The following CARD14 variants were observed in gnomAD, a reference collection of about 807,000 sequenced individuals.
CARD14 encodes the protein caspase recruitment domain family member 14.
Under a neutral mutation model 111.5 loss-of-function variants are expected in CARD14, and 107 were observed. That is an observed-to-expected ratio of 0.96 (90% confidence interval 0.82 to 1.13). CARD14 has a LOEUF of 1.13. Among genes scored for constraint, CARD14 ranks in the 50% most tolerant of loss-of-function variants. CARD14 has a pLI of 0.00. For synonymous variants in CARD14, 617 were observed against 579.6 expected (o/e 1.06, Z -0.93); for missense variants, 1,322 against 1,362.3 (o/e 0.97, Z 0.47).
At chr17:80,206,244 C>T (rs900670298) in intron 22 of CARD14, among the ~76,000 whole-genome samples, 3 of 152,156 alleles carry the variant, frequency 2.0e-5, no homozygotes, top group African/African-American at 4.8e-5. Flanking sequence ...GTGGGAGGAT[C>T]GCTTGAGCCC....
chr17:80,170,762 GCCCTCCCCTCCCCTC>G (rs1159463524), intron 1 of CARD14, among the ~76,000 whole-genome samples: 1 of 112,516 alleles, frequency 8.9e-6, no homozygotes, highest in African/African-American at 3.3e-5. Flanking sequence ...AGATCTCTGG[GCCCTCCCCTCCCCTC>G]CCGTCCCCTC....
Position 80,195,418 on chromosome 17 carries a change from G to A in CARD14, c.1499+85G>A. The A allele has an allele frequency of 6.5e-7, 1 of 1,530,276 alleles. No individual in the cohort carries two copies. Among genetic ancestry groups the A allele is most frequent in the Non-Finnish European group, 8.8e-7 (1 of 1,133,276 alleles). The allele number at this position is 1,530,276 out of a possible 1,614,324, so 94.8% of individuals were successfully genotyped here. ...ACCAGAGACACCAACCTAGACCTCAGGGCATCTGGGTATTGCAGGCAGCAG... is the reference window on the plus strand; with the variant it reads ...ACCAGAGACACCAACCTAGACCTCAAGGCATCTGGGTATTGCAGGCAGCAG... On this transcript the variant is annotated intron_variant, in intron 13 of 23. Transcript: ENST00000648509. This position sits in a 1 kb window ranked among gnomAD's most constrained non-coding sequence, Gnocchi z 4.7.
At position 80,188,649 on chromosome 17, in the gene CARD14, C is replaced by T; in HGVS notation, c.843+105C>T. The T allele has an allele frequency of 8.4e-7, 1 of 1,195,310 alleles. No homozygotes were observed. The highest frequency in any genetic ancestry group is 1.1e-6 in the Non-Finnish European group (1 of 924,336). 74.0% of individuals were successfully genotyped at this position (1,195,310 alleles called of 1,614,324 possible). On this transcript the variant is annotated intron_variant, in intron 8 of 23. Coordinates refer to ENST00000648509, the MANE Select transcript of CARD14 (RefSeq NM_001366385.1). The surrounding 1 kb of genome is among the most constrained non-coding windows in gnomAD (Gnocchi z 4.5). Reference sequence around the variant, plus strand: ...GGTTTAGTTAAGGTGAGGCTAAGAACAAGAGATGAAATTTAGTGACTCATC... The same window carrying T: ...GGTTTAGTTAAGGTGAGGCTAAGAATAAGAGATGAAATTTAGTGACTCATC...
In CARD14 at chr17:80,188,056, C is replaced by G. The variant is rs2040403736; in HGVS notation, c.676-321C>G. ...AAGCCAGGGAGCATGCTGGCCATCA[C>G]TGCCGGCTGCTCAGCTGTAGAGATC... On this transcript the variant is annotated intron_variant, in intron 7 of 23. Transcript: ENST00000648509. This position sits in a 1 kb window ranked among gnomAD's most constrained non-coding sequence, Gnocchi z 4.5. 1 of 764,222 alleles carries G rather than the reference C, an allele frequency of 1.3e-6. No individual in the cohort carries two copies. The highest frequency in any genetic ancestry group is 9.3e-5 in the East Asian group (1 of 10,730). The allele number at this position is 764,222 out of a possible 1,614,324, so 47.3% of individuals were successfully genotyped here.
At chr17:80,196,195 G>A (rs1359220055) in intron 14 of CARD14, 7 of 152,796 alleles carry the variant, frequency 4.6e-5, no homozygotes, top group East Asian at 1.9e-4. Context: ...ACCTCGGCGC[G>A]ACCGGCTCCC....
chr17:80,172,180 C>G (rs1415918671), intron 1 of CARD14, among the ~76,000 whole-genome samples: 2 of 152,196 alleles, frequency 1.3e-5, no homozygotes, highest in Admixed American at 6.5e-5. Flanking sequence ...CTCTTTGGCA[C>G]CAACTTAATC....
intron 12 of CARD14, among the ~76,000 whole-genome samples, chr17:80,194,875 G>A (rs1016767455): frequency 1.3e-5 from 2 of 152,124 alleles, no homozygotes; most frequent in Admixed American, 6.5e-5. Flanking sequence ...GGGAACACAC[G>A]GCCAAACTAT....
intron 21 of CARD14, 150 bp from the exon 22 acceptor site, chr17:80,205,381 G>C: frequency 8.4e-7 from 1 of 1,191,488 alleles, no homozygotes; most frequent in Non-Finnish European, 1.2e-6. Flanking sequence ...ACAGAGCGGG[G>C]TGTGCAGGGT....
At position 80,203,647 on chromosome 17, in the gene CARD14, G is replaced by A; in HGVS notation, c.2220-175G>A. 1 of 546,326 alleles carries A rather than the reference G, an allele frequency of 1.8e-6. No individual in the cohort carries two copies. Among genetic ancestry groups the A allele is most frequent in the Non-Finnish European group, 3.3e-6 (1 of 305,342 alleles). 33.8% of individuals were successfully genotyped at this position (546,326 alleles called of 1,614,324 possible). A position where few individuals can be genotyped will look rare whatever the true frequency, so the allele number is the denominator to read the frequency against. ...GAGTCTTTTGAAAGCTCTGGAGACT[G>A]GCATGGCCGCCAGGATGGAGCGCTC... On this transcript the variant is annotated intron_variant, in intron 18 of 23. Transcript: ENST00000648509. This position sits in a 1 kb window ranked among gnomAD's most constrained non-coding sequence, Gnocchi z 4.6.
intron 2 of CARD14, among the ~76,000 whole-genome samples, chr17:80,177,534 AAAAAT>A (rs1372100724): frequency 1.3e-5 from 2 of 152,048 alleles, no homozygotes; most frequent in African/African-American, 4.8e-5. Context: ...TGTCTCTACT[AAAAAT>A]AAAGAATTAG....
At chr17:80,204,733 G>T in intron 20 of CARD14, 1 of 421,332 alleles carries the variant, frequency 2.4e-6, no homozygotes, top group Non-Finnish European at 4.2e-6. Flanking sequence ...AGATCCTTTG[G>T]AAGGAAGAAA....
Position 80,188,318 on chromosome 17 carries a change from C to A in CARD14, c.676-59C>A, listed in dbSNP as rs1356720351. ...GAGGAAGGGTGAGAAATGCCCCCAG[C>A]TCCTGATCAGGGGAGAAGCTGTTTC... On this transcript the variant is annotated intron_variant, in intron 7 of 23. Transcript: ENST00000648509. This position sits in a 1 kb window ranked among gnomAD's most constrained non-coding sequence, Gnocchi z 4.5. The A allele has an allele frequency of 1.3e-6, 2 of 1,524,032 alleles. No homozygotes were observed. Among genetic ancestry groups the A allele is most frequent in the Non-Finnish European group, 1.8e-6 (2 of 1,126,782 alleles). The allele number at this position is 1,524,032 out of a possible 1,614,324, so 94.4% of individuals were successfully genotyped here. A position where few individuals can be genotyped will look rare whatever the true frequency, so the allele number is the denominator to read the frequency against.
rs1031481234 is a variant in CARD14 at position 80,181,361 on chromosome 17, T to G, written c.-20-58T>G. The G allele has an allele frequency of 3.0e-6, 4 of 1,321,636 alleles. No individual in the cohort carries two copies. The African/African-American group carries it at 5.9e-5, about 19-fold the overall frequency. 81.9% of individuals were successfully genotyped at this position (1,321,636 alleles called of 1,614,324 possible). On this transcript the variant is annotated intron_variant, in intron 4 of 23. Transcript: ENST00000648509. ...AGTTGATTTTAAAACGGTGTCACCC[T>G]GGCTATCCTGGGGTCCTGCTTACCT...
intron 18 of CARD14, chr17:80,202,661 G>T: frequency 7.5e-7 from 1 of 1,341,420 alleles, no homozygotes; most frequent in South Asian, 1.6e-5. Context: ...TTAGCTCTGG[G>T]TTTCTTAGCT....
chr17:80,191,212 G>A (rs2040515712), intron 10 of CARD14, 111 bp from the exon 11 acceptor site: 3 of 1,309,262 alleles, frequency 2.3e-6, no homozygotes, highest in South Asian at 1.3e-5. Flanking sequence ...CTCAGCGTGG[G>A]CCATTTAGTG....
rs763580623 is a variant in CARD14, at chr17:80,195,272, A to G, written c.1438A>G (p.Ser480Gly). 1 of 1,612,822 alleles carries G rather than the reference A, an allele frequency of 6.2e-7. No homozygotes were observed. The highest frequency in any genetic ancestry group is 8.5e-7 in the Non-Finnish European group (1 of 1,179,920). Reference protein sequence around the residue: ...SFRSSSPAPPSQQSLYKRVAE... With the variant: ...SFRSSSPAPPGQQSLYKRVAE... ...CCGCTCCAGCAGCCCCGCGCCCCCCAGCCAGCAGTCCCTGTACAAGCGGGT... is the reference window on the plus strand; with the variant it reads ...CCGCTCCAGCAGCCCCGCGCCCCCCGGCCAGCAGTCCCTGTACAAGCGGGT... The change falls in exon 13 of 24, where the codon AGC becomes GGC. Residue 480 changes from serine to glycine, a missense_variant. Coordinates refer to ENST00000648509, the MANE Select transcript of CARD14 (RefSeq NM_001366385.1). This position sits in a 1 kb window ranked among gnomAD's most constrained non-coding sequence, Gnocchi z 4.7.
Position 80,182,865 on chromosome 17 carries a change from C to T in CARD14, c.349+75C>T. The T allele has an allele frequency of 1.9e-6, 3 of 1,567,186 alleles. No homozygotes were observed. The highest frequency in any genetic ancestry group is 1.1e-5 in the South Asian group (1 of 87,962). On this transcript the variant is annotated intron_variant, in intron 6 of 23. Coordinates refer to ENST00000648509, the MANE Select transcript of CARD14 (RefSeq NM_001366385.1). The surrounding 1 kb of genome is among the most constrained non-coding windows in gnomAD (Gnocchi z 4.7). The stretch of plus-strand genomic sequence containing the variant: ...GCTCCTGGTAACCCCAGGTGCCCCG[C>T]TTACTTGCCGATTTGCCCTACTCCC...
chr17:80,194,100 C>T (rs767541464), intron 12 of CARD14, among the ~76,000 whole-genome samples: 12 of 152,220 alleles, frequency 7.9e-5, no homozygotes, highest in African/African-American at 2.6e-4. Flanking sequence ...GGGCTCTCTG[C>T]GTGCCACTGC....
chr17:80,187,019 CAT>C (rs1260839704), intron 7 of CARD14, among the ~76,000 whole-genome samples: 3 of 152,236 alleles, frequency 2.0e-5, no homozygotes, highest in African/African-American at 7.2e-5. Context: ...CACACATACT[CAT>C]ATGCATGGAA....
Sources: gnomAD v4.1 joint callset for allele counts (sites outside exome capture counted in the v4.1 genomes callset) on GRCh38, gnomAD v4.1.1 for gene constraint, Gnocchi (gnomAD v3.1) non-coding constraint, MANE v1.5 for transcripts, NCBI Gene and HGNC (gene_info 2026-07-23, HGNC 2026-07-21) for gene names.